RCHY1: variants seen among roughly 807,000 people sequenced by gnomAD.
The protein encoded by RCHY1 is ring finger and CHY zinc finger domain containing 1, also known as RING finger and CHY zinc finger domain-containing protein 1.
RCHY1 carries 21 observed loss-of-function variants against 41.6 expected under a neutral mutation model. That is an observed-to-expected ratio of 0.51 (90% CI 0.36 to 0.73). The LOEUF (loss-of-function observed/expected upper bound fraction) is 0.73, where lower values mean the gene tolerates loss of function less well. Ranked by LOEUF, RCHY1 falls within the 30% of genes least tolerant of loss-of-function variation. The pLI, the probability that RCHY1 is intolerant of heterozygous loss-of-function variation, is 0.00. For synonymous variants in RCHY1, 79 were observed against 102.9 expected (o/e 0.77, Z 1.41); for missense variants, 265 against 325.3 (o/e 0.81, Z 1.43).
intron 8 of RCHY1, among the ~76,000 whole-genome samples, chr4:75,486,569 C>G (rs1464491740): frequency 6.6e-6 from 1 of 152,022 alleles, no homozygotes; most frequent in Non-Finnish European, 1.5e-5. Context: ...AGGGTTTTCA[C>G]TGGAAATTAG....
At chr4:75,510,988 T>A (rs1032731867) in intron 1 of RCHY1, among the ~76,000 whole-genome samples, 1 of 152,210 alleles carries the variant, frequency 6.6e-6, no homozygotes, top group Non-Finnish European at 1.5e-5. Context: ...ATTATGGATA[T>A]CATTCTCTGA....
chr4:75,507,868 A>G (rs921155324), intron 3 of RCHY1, among the ~76,000 whole-genome samples: 2 of 152,120 alleles, frequency 1.3e-5, no homozygotes, highest in African/African-American at 2.4e-5. Context: ...TCCATTCATT[A>G]AAAACTTCCA....
chr4:75,482,760 G>T, intron 8 of RCHY1, 94 bp from the exon 9 acceptor site: 1 of 810,146 alleles, frequency 1.2e-6, no homozygotes, highest in Non-Finnish European at 1.7e-6. Context: ...TATTAAAGAT[G>T]TGAAAATACA....
intron 3 of RCHY1, among the ~76,000 whole-genome samples, chr4:75,505,714 G>T (rs1724232130): frequency 6.6e-6 from 1 of 151,968 alleles, no homozygotes; most frequent in Admixed American, 6.6e-5. Flanking sequence ...GCTTCTATAG[G>T]ACTAAAACTC....
intron 8 of RCHY1, among the ~76,000 whole-genome samples, chr4:75,488,765 C>T (rs988870180): frequency 6.6e-6 from 1 of 152,064 alleles, no homozygotes; most frequent in African/African-American, 2.4e-5. Context: ...ATCCTTAAAG[C>T]TTCCATTATT....
chr4:75,506,569 G>A (rs527364847), intron 3 of RCHY1, among the ~76,000 whole-genome samples: 2 of 151,856 alleles, frequency 1.3e-5, no homozygotes, highest in African/African-American at 4.8e-5. Flanking sequence ...CAGCAGAAGA[G>A]AGACCTGGAA....
chr4:75,514,316 T>C lies in RCHY1; in HGVS notation c.-30A>G. On this transcript the variant is annotated 5_prime_UTR_variant, in exon 1 of 9. Transcript: ENST00000324439. ...TCCACCTCCCCTCACATTCCACCGATCCTTCCCCCAGGATAAAAACCACGC... is the reference window on the plus strand; with the variant it reads ...TCCACCTCCCCTCACATTCCACCGACCCTTCCCCCAGGATAAAAACCACGC... The C allele has an allele frequency of 6.3e-7, 1 of 1,598,948 alleles. No homozygotes were observed. The highest frequency in any genetic ancestry group is 8.6e-7 in the Non-Finnish European group (1 of 1,168,538).
chr4:75,506,924 A>G (rs1724374709), intron 3 of RCHY1, among the ~76,000 whole-genome samples: 1 of 152,156 alleles, frequency 6.6e-6, no homozygotes, highest in Non-Finnish European at 1.5e-5. Context: ...AGAAGCAATA[A>G]TAATCCTGAG....
At chr4:75,494,254 C>A in intron 3 of RCHY1, 75 bp from the exon 4 acceptor site, 1 of 1,040,758 alleles carries the variant, frequency 9.6e-7, no homozygotes, top group Non-Finnish European at 1.4e-6. Context: ...ATGTAAAACA[C>A]AAGTTTAGTC....
In RCHY1 at chr4:75,514,184, T is replaced by C. The variant is rs773999077; in HGVS notation, c.90+13A>G. The C allele has an allele frequency of 2.5e-6, 4 of 1,604,728 alleles. No individual in the cohort carries two copies. The highest frequency in any genetic ancestry group is 8.5e-7 in the Non-Finnish European group (1 of 1,172,566). On this transcript the variant is annotated intron_variant, in intron 1 of 8. Coordinates refer to ENST00000324439, the MANE Select transcript of RCHY1 (RefSeq NM_015436.4). ...CGGAAGCTTGTCAGGGAAGAGTCCA[T>C]AGAAGGCGTCACCTTTAGGAGACAT...
chr4:75,491,443 C>A, intron 7 of RCHY1, 168 bp downstream of exon 7: 1 of 584,712 alleles, frequency 1.7e-6, no homozygotes, highest in Non-Finnish European at 3.0e-6. Context: ...AGTTCTATAT[C>A]CAAGACACTT....
chr4:75,479,701 T>C lies in RCHY1; in HGVS notation c.*2837A>G, dbSNP rs564495555. On this transcript the variant is annotated 3_prime_UTR_variant, in exon 9 of 9. Coordinates refer to ENST00000324439, the MANE Select transcript of RCHY1 (RefSeq NM_015436.4). ...AGCTGAGATGCTATGCACCAAAAAATTCGTAAGGGTATTGTTATTTTACTT... is the reference window on the plus strand; with the variant it reads ...AGCTGAGATGCTATGCACCAAAAAACTCGTAAGGGTATTGTTATTTTACTT... 6.6e-4 allele frequency: 100 copies of C among 152,180 alleles called. No individual in the cohort carries two copies. The highest frequency in any genetic ancestry group is 2.3e-3 in the African/African-American group (95 of 41,552). The allele number at this position is 152,180 out of a possible 1,614,324, so 9.4% of individuals were successfully genotyped here. A position where few individuals can be genotyped will look rare whatever the true frequency, so the allele number is the denominator to read the frequency against.
intron 8 of RCHY1, among the ~76,000 whole-genome samples, chr4:75,487,554 AATATATTCATAATAT>A (rs1394469458): frequency 8.3e-5 from 4 of 48,310 alleles, no homozygotes; most frequent in African/African-American, 2.9e-4. Context: ...ATATATTCAT[AATATATTCATAATAT>A]ATATATTCAT....
intron 3 of RCHY1, among the ~76,000 whole-genome samples, chr4:75,506,201 A>C (rs573287098): frequency 6.6e-6 from 1 of 152,042 alleles, no homozygotes; most frequent in South Asian, 2.1e-4. Context: ...ATCCATCCCT[A>C]CATTAACTGC....
intron 8 of RCHY1, among the ~76,000 whole-genome samples, chr4:75,490,308 G>T (rs1307978886): frequency 1.3e-5 from 2 of 152,028 alleles, no homozygotes; most frequent in East Asian, 3.9e-4. Context: ...ACTGACTCTG[G>T]CAAGTAATAT....
intron 3 of RCHY1, among the ~76,000 whole-genome samples, chr4:75,504,766 A>C (rs1173399369): frequency 1.3e-5 from 2 of 152,214 alleles, no homozygotes; most frequent in Non-Finnish European, 2.9e-5. Flanking sequence ...TTGGGTTTGC[A>C]GTGTTCAAAT....
intron 1 of RCHY1, among the ~76,000 whole-genome samples, chr4:75,512,989 T>G (rs1725093640): frequency 7.2e-6 from 1 of 139,300 alleles, no homozygotes; most frequent in African/African-American, 2.8e-5. Flanking sequence ...TCTAATTGTG[T>G]GGTTTATGGG....
chr4:75,501,162 A>G (rs1723717703), intron 3 of RCHY1, among the ~76,000 whole-genome samples: 1 of 152,046 alleles, frequency 6.6e-6, no homozygotes, highest in Admixed American at 6.6e-5. Flanking sequence ...GACATATACC[A>G]CCACGCCTGG....
chr4:75,482,759 T>G lies in RCHY1; in HGVS notation c.658-93A>C, dbSNP rs72866215. On this transcript the variant is annotated intron_variant, in intron 8 of 8. Coordinates refer to ENST00000324439, the MANE Select transcript of RCHY1 (RefSeq NM_015436.4). ...AATCCCTTGAAAATCATATTAAAGA[T>G]GTGAAAATACATACATAAGTCTAAA... 6.3e-3 allele frequency: 5,203 copies of G among 826,244 alleles called. 220 individuals are homozygous for G. The African/African-American group carries it at 0.084, about 13-fold the overall frequency. The allele number at this position is 826,244 out of a possible 1,614,324, so 51.2% of individuals were successfully genotyped here.
Sources: gnomAD v4.1 joint callset for allele counts (sites outside exome capture counted in the v4.1 genomes callset) on GRCh38, gnomAD v4.1.1 for gene constraint, MANE v1.5 for transcripts, NCBI Gene and HGNC (gene_info 2026-07-23, HGNC 2026-07-21) for gene names.